The following MRPS31 variants were observed in gnomAD, a reference collection of about 807,000 sequenced individuals.
The protein encoded by MRPS31 is small ribosomal subunit protein mS31.
A neutral mutation model predicts 43.1 loss-of-function variants in MRPS31; 32 were observed. That is an observed-to-expected ratio of 0.74 (90% CI 0.56 to 1.00). MRPS31 has a LOEUF of 1.00. Among genes scored for constraint, MRPS31 ranks in the 50% least tolerant of loss-of-function variants. MRPS31 has a pLI of 0.00. For synonymous variants in MRPS31, 165 were observed against 161.6 expected (o/e 1.02, Z -0.16); for missense variants, 437 against 466.7 (o/e 0.94, Z 0.59).
At chr13:40,729,789 C>T (rs1381381335) in intron 6 of MRPS31, among the ~76,000 whole-genome samples, 188 bp from the exon 7 acceptor site, 1 of 148,278 alleles carries the variant, frequency 6.7e-6, no homozygotes, top group Non-Finnish European at 1.5e-5. Context: ...AGTGGAGTGG[C>T]ACGATCTCAG....
chr13:40,769,925 C>CA (rs937078670), intron 1 of MRPS31, among the ~76,000 whole-genome samples: 1 of 152,226 alleles, frequency 6.6e-6, no homozygotes. Context: ...GCAACACCTT[C>CA]AACACCACAT....
intron 2 of MRPS31, among the ~76,000 whole-genome samples, chr13:40,760,655 CAG>C (rs1447540700): frequency 6.8e-5 from 9 of 132,880 alleles, no homozygotes; most frequent in Admixed American, 5.6e-4. Context: ...TTTTAAGAGA[CAG>C]GGGTCTCAAT....
intron 4 of MRPS31, among the ~76,000 whole-genome samples, chr13:40,756,179 T>C (rs887424439): frequency 1.3e-5 from 2 of 152,200 alleles, no homozygotes; most frequent in Admixed American, 1.3e-4. Flanking sequence ...TGTGAGCATA[T>C]CCTGCTACAA....
At chr13:40,735,632 C>G (rs1178026117) in intron 6 of MRPS31, among the ~76,000 whole-genome samples, 1 of 152,010 alleles carries the variant, frequency 6.6e-6, no homozygotes, top group South Asian at 2.1e-4. Flanking sequence ...CCCTGACCCC[C>G]GAGCAGCCTA....
intron 6 of MRPS31, among the ~76,000 whole-genome samples, chr13:40,742,482 AG>A (rs1880127904): frequency 6.6e-6 from 1 of 152,182 alleles, no homozygotes; most frequent in African/African-American, 2.4e-5. Context: ...CAGTACTTTA[AG>A]GCTCCTGTTC....
intron 5 of MRPS31, among the ~76,000 whole-genome samples, chr13:40,751,861 G>A (rs955006463): frequency 6.6e-6 from 1 of 152,128 alleles, no homozygotes; most frequent in Non-Finnish European, 1.5e-5. Context: ...ATTTGATACT[G>A]TTTTATAAAA....
Position 40,771,095 on chromosome 13 carries a change from A to G in MRPS31, c.42T>C (p.Leu14=), listed in dbSNP as rs1231647777. Residue 14 remains leucine, a synonymous_variant, in exon 1 of 7, where the codon CTT becomes CTC. Coordinates refer to ENST00000323563, the MANE Select transcript of MRPS31 (RefSeq NM_005830.4). The stretch of plus-strand genomic sequence containing the variant: ...TTCCAGAGGACAAAGGGTGGCGGGA[A>G]AGGGGGCGAAGAGGTAGGAACGTCG... ...RVSTFLPLRP[L]SRHPLSSGSP... is the part of the protein sequence containing the mutation. The G allele has an allele frequency of 6.2e-7, 1 of 1,613,852 alleles. No homozygotes were observed.
intron 6 of MRPS31, among the ~76,000 whole-genome samples, chr13:40,733,619 T>G (rs1879776142): frequency 1.3e-5 from 2 of 151,982 alleles, no homozygotes; most frequent in Non-Finnish European, 2.9e-5. Flanking sequence ...AGAGATCACA[T>G]ACAATGAATC....
chr13:40,735,514 C>G (rs993496789), intron 6 of MRPS31, among the ~76,000 whole-genome samples: 4 of 152,106 alleles, frequency 2.6e-5, no homozygotes, highest in Admixed American at 2.6e-4. Flanking sequence ...GTAACCTCTG[C>G]AGACTTAAAT....
At chr13:40,767,958 A>G (rs1270357561) in intron 1 of MRPS31, among the ~76,000 whole-genome samples, 1 of 152,378 alleles carries the variant, frequency 6.6e-6, no homozygotes, top group East Asian at 1.9e-4. Flanking sequence ...AAGGAAAGCT[A>G]GAATGGAACA....
At chr13:40,736,225 T>C (rs1879900656) in intron 6 of MRPS31, among the ~76,000 whole-genome samples, 2 of 151,960 alleles carry the variant, frequency 1.3e-5, no homozygotes, top group Admixed American at 1.3e-4. Context: ...AAGGAAAGTT[T>C]AGAGAAAAGA....
At chr13:40,744,669 C>T (rs1426035398) in intron 6 of MRPS31, among the ~76,000 whole-genome samples, 1 of 152,148 alleles carries the variant, frequency 6.6e-6, no homozygotes, top group African/African-American at 2.4e-5. Flanking sequence ...CACTGCAGCA[C>T]TATTCACAAT....
At chr13:40,731,653 C>A (rs537652591) in intron 6 of MRPS31, among the ~76,000 whole-genome samples, 1 of 151,344 alleles carries the variant, frequency 6.6e-6, no homozygotes. Flanking sequence ...GAAAATAATA[C>A]TTTAAATGTA....
intron 1 of MRPS31, 179 bp downstream of exon 1, chr13:40,770,806 T>C (rs1445028003): frequency 1.3e-5 from 9 of 713,278 alleles, no homozygotes; most frequent in Non-Finnish European, 1.8e-5. Flanking sequence ...GCGACCAGGT[T>C]TGTAATCGTA....
intron 6 of MRPS31, among the ~76,000 whole-genome samples, chr13:40,740,478 A>C (rs9603785): frequency 0.33 from 36,942 of 113,266 alleles, 7,441 homozygotes; most frequent in East Asian, 0.71. Flanking sequence ...TATAAAGACA[A>C]ATGCACACGT....
chr13:40,748,890 G>A (rs540004752), intron 6 of MRPS31, among the ~76,000 whole-genome samples: 27 of 152,076 alleles, frequency 1.8e-4, no homozygotes, highest in Non-Finnish European at 3.2e-4. Flanking sequence ...GTCCTTTTAC[G>A]TCATAGAAAT....
chr13:40,761,290 T>C (rs1381585851), intron 2 of MRPS31, among the ~76,000 whole-genome samples: 5 of 150,626 alleles, frequency 3.3e-5, no homozygotes, highest in Admixed American at 3.3e-4. Context: ...AAAAGAAAAA[T>C]AGAGAAATAT....
At chr13:40,742,838 T>C (rs1425290477) in intron 6 of MRPS31, among the ~76,000 whole-genome samples, 1 of 152,156 alleles carries the variant, frequency 6.6e-6, no homozygotes, top group Non-Finnish European at 1.5e-5. Flanking sequence ...AAAATTAGCC[T>C]TAGACTAGCC....
chr13:40,763,410 A>G (rs1414430164), intron 2 of MRPS31, among the ~76,000 whole-genome samples: 1 of 152,192 alleles, frequency 6.6e-6, no homozygotes, highest in South Asian at 2.1e-4. Flanking sequence ...GGCCACATGC[A>G]GTTTCCAGGG....
Sources: allele counts gnomAD v4.1 joint callset (sites outside exome capture counted in the v4.1 genomes callset), GRCh38; gene constraint gnomAD v4.1.1; transcripts MANE v1.5; gene names NCBI Gene and HGNC (gene_info 2026-07-23, HGNC 2026-07-21).